PROS1: variants seen among roughly 807,000 people sequenced by gnomAD.
PROS1 encodes protein S.
PROS1 carries 29 observed loss-of-function variants against 75.9 expected under a neutral mutation model. The ratio of observed to expected loss-of-function variants is 0.38; its 90% CI spans 0.28 to 0.52. The LOEUF is 0.52. PROS1 is among the 20% of genes least tolerant of loss of function. The probability of loss-of-function intolerance (pLI) is 0.83; values close to 1 mark genes in which losing one functional copy is unlikely to be tolerated. For synonymous variants in PROS1, 245 were observed against 280.6 expected (o/e 0.87, Z 1.27); for missense variants, 680 against 810.3 (o/e 0.84, Z 1.95).
At chr3:93,943,114 CCAAG>C (rs1709315628) in intron 1 of PROS1, among the ~76,000 whole-genome samples, 1 of 152,134 alleles carries the variant, frequency 6.6e-6, no homozygotes, top group Non-Finnish European at 1.5e-5. Context: ...GTCAAATCAC[CCAAG>C]CAGTTTCTCA....
intron 10 of PROS1, among the ~76,000 whole-genome samples, chr3:93,889,926 G>A (rs1158904092): frequency 6.6e-6 from 1 of 152,166 alleles, no homozygotes; most frequent in Admixed American, 6.5e-5. Context: ...CATAAGGTCT[G>A]ACTGCGTGCA....
chr3:93,924,907 G>A (rs547154457), intron 2 of PROS1, among the ~76,000 whole-genome samples: 53 of 152,108 alleles, frequency 3.5e-4, no homozygotes, highest in Admixed American at 6.5e-4. Context: ...GGGCTCAAGC[G>A]ATCCTCCCAC....
chr3:93,937,422 C>T (rs1709201425), intron 1 of PROS1, among the ~76,000 whole-genome samples: 1 of 148,748 alleles, frequency 6.7e-6, no homozygotes, highest in Admixed American at 6.7e-5. Context: ...GGCTGGAGTG[C>T]AGTGGCATGA....
At chr3:93,898,593 C>A (rs1294179781) in intron 7 of PROS1, 24 bp from the exon 8 acceptor site, 1 of 1,610,524 alleles carries the variant, frequency 6.2e-7, no homozygotes, top group East Asian at 2.2e-5. Context: ...AACACACGCA[C>A]ACAAACTTTA....
chr3:93,928,739 G>A (rs539094974), intron 1 of PROS1: 19 of 1,295,444 alleles, frequency 1.5e-5, no homozygotes, highest in South Asian at 1.0e-4. Flanking sequence ...CAGATAAGCC[G>A]ACCAATACAG....
chr3:93,897,952 T>C (rs1420759417), intron 8 of PROS1, among the ~76,000 whole-genome samples: 1 of 151,972 alleles, frequency 6.6e-6, no homozygotes, highest in Admixed American at 6.6e-5. Flanking sequence ...CCCCACTAAA[T>C]CCTAGAAATG....
In PROS1 at chr3:93,973,891, C is replaced by T. The variant is rs1709933475; in HGVS notation, c.-142G>A. Reference sequence around the variant, plus strand: ...GCGCCAGCGACCCAGCGAGCCTCGGCGGAACAGCCGGGGGCGGAGGAGACC... The same window carrying T: ...GCGCCAGCGACCCAGCGAGCCTCGGTGGAACAGCCGGGGGCGGAGGAGACC... On this transcript the variant is annotated 5_prime_UTR_variant, in exon 1 of 15. Coordinates refer to ENST00000394236, the MANE Select transcript of PROS1 (RefSeq NM_000313.4). 1.8e-6 allele frequency: 1 copy of T among 558,012 alleles called. No homozygotes were observed. Among genetic ancestry groups the T allele is most frequent in the East Asian group, 3.8e-5 (1 of 26,274 alleles). 34.6% of individuals were successfully genotyped at this position (558,012 alleles called of 1,614,324 possible). A position where few individuals can be genotyped will look rare whatever the true frequency, so the allele number is the denominator to read the frequency against.
chr3:93,935,380 T>C lies in PROS1; in HGVS notation c.77-7973A>G, dbSNP rs562012863. ...AAAACATCATTTGATTTTGACATCATGCACCAAGAAGTTACTGCACAGAAA... is the reference window on the plus strand; with the variant it reads ...AAAACATCATTTGATTTTGACATCACGCACCAAGAAGTTACTGCACAGAAA... On this transcript the variant is annotated intron_variant, in intron 1 of 14. Transcript: ENST00000394236. Among the ~76,000 whole-genome samples the C allele has an allele frequency of 1.8e-4, 27 of 152,334 alleles. 1 individual carries two copies. In the South Asian group the frequency reaches 4.3e-3, roughly 25 times the overall value.
At chr3:93,960,176 CTTTTT>C (rs997640046) in intron 1 of PROS1, among the ~76,000 whole-genome samples, 1 of 139,004 alleles carries the variant, frequency 7.2e-6, no homozygotes. Flanking sequence ...GCGTTTGTCA[CTTTTT>C]TTTTTTTTTT....
At chr3:93,899,293 G>T (rs553602515) in intron 7 of PROS1, among the ~76,000 whole-genome samples, 4 of 151,944 alleles carry the variant, frequency 2.6e-5, no homozygotes, top group Non-Finnish European at 5.9e-5. Flanking sequence ...CTATCTCAGA[G>T]TTATATAAGA....
chr3:93,901,153 C>T (rs981466079), intron 6 of PROS1, among the ~76,000 whole-genome samples: 107 of 152,098 alleles, frequency 7.0e-4, no homozygotes, highest in Admixed American at 3.9e-4. Context: ...TGCCATGTTC[C>T]TTTCTAGTTA....
At chr3:93,923,999 A>T (rs1708981842) in intron 3 of PROS1, among the ~76,000 whole-genome samples, 1 of 152,226 alleles carries the variant, frequency 6.6e-6, no homozygotes, top group South Asian at 2.1e-4. Context: ...GAGCTTCATG[A>T]GAAAGACATG....
chr3:93,946,017 A>G (rs1341257275), intron 1 of PROS1, among the ~76,000 whole-genome samples: 1 of 152,218 alleles, frequency 6.6e-6, no homozygotes, highest in East Asian at 1.9e-4. Context: ...TACCAATAAC[A>G]GACAGAGAGC....
intron 10 of PROS1, among the ~76,000 whole-genome samples, chr3:93,890,618 C>T (rs899597658): frequency 6.6e-6 from 1 of 152,166 alleles, no homozygotes; most frequent in African/African-American, 2.4e-5. Context: ...AGCCAGCCGA[C>T]ACTTATGGAA....
At chr3:93,883,850 T>C (rs1263678360) in intron 12 of PROS1, among the ~76,000 whole-genome samples, 5 of 152,074 alleles carry the variant, frequency 3.3e-5, no homozygotes, top group African/African-American at 1.2e-4. Context: ...CTCAGGAGGC[T>C]GAGGCAGAAG....
At chr3:93,937,949 G>C (rs772906326) in intron 1 of PROS1, among the ~76,000 whole-genome samples, 1 of 152,114 alleles carries the variant, frequency 6.6e-6, no homozygotes, top group Non-Finnish European at 1.5e-5. Context: ...CTTTAACACA[G>C]CTTTAGCAGG....
Position 93,951,386 on chromosome 3 carries a change from T to C in PROS1, c.76+22288A>G, listed in dbSNP as rs527859389. On this transcript the variant is annotated intron_variant, in intron 1 of 14. Transcript: ENST00000394236. ...CACAAAGGGAATCCCATCAGACTAA[T>C]AGCAGATCTCTCGGCAGAAAATCTA... Among the ~76,000 whole-genome samples the C allele has an allele frequency of 1.2e-4, 18 of 152,282 alleles. No individual in the cohort carries two copies. The East Asian group carries it at 3.1e-3, about 26-fold the overall frequency.
intron 1 of PROS1, among the ~76,000 whole-genome samples, chr3:93,929,833 A>T (rs991050653): frequency 1.3e-5 from 2 of 152,244 alleles, no homozygotes; most frequent in Non-Finnish European, 2.9e-5. Flanking sequence ...TAAAATCTGC[A>T]AGTAACTTTT....
chr3:93,946,694 A>T (rs1576209803), intron 1 of PROS1, among the ~76,000 whole-genome samples: 1 of 152,184 alleles, frequency 6.6e-6, no homozygotes, highest in Non-Finnish European at 1.5e-5. Context: ...ACCTAAAACC[A>T]TAAAAACCCT....
Sources: gnomAD v4.1 joint callset for allele counts (sites outside exome capture counted in the v4.1 genomes callset) on GRCh38, gnomAD v4.1.1 for gene constraint, MANE v1.5 for transcripts, NCBI Gene and HGNC (gene_info 2026-07-23, HGNC 2026-07-21) for gene names.